Variants in RNF213 observed in about 807,000 individuals in gnomAD.
RNF213 encodes ring finger protein 213.
RNF213 carries 341 observed loss-of-function variants against 514.4 expected under a neutral mutation model. That is an observed-to-expected ratio of 0.66 (90% CI 0.61 to 0.73). RNF213 has a LOEUF of 0.73. Among genes scored for constraint, RNF213 ranks in the 30% least tolerant of loss-of-function variants. RNF213 has a pLI of 0.00. For missense variants in RNF213, 5,767 were observed against 6,615.6 expected (o/e 0.87, Z 4.45); for synonymous variants, 2,655 against 2,658.2 (o/e 1.00, Z 0.04).
At chr17:80,265,040 G>GTTTT (rs112658451) in intron 2 of RNF213, among the ~76,000 whole-genome samples, 2 of 133,762 alleles carry the variant, frequency 1.5e-5, no homozygotes, top group African/African-American at 5.7e-5. Flanking sequence ...TTCCATGTTT[G>GTTTT]TTTGTTTTTT....
rs762792724 is a variant in RNF213, at chr17:80,291,826, A to T, written c.1470A>T (p.Gly490=). The change falls in exon 8 of 68, where the codon GGA becomes GGT. Residue 490 remains glycine (G), a splice_region_variant and synonymous_variant. Transcript: ENST00000582970. Reference sequence around the variant, plus strand: ...TAAAATCTTCACTTCTGGGCTCAGGAGGTAAGTCGTGGCAGCAGGCTGTCT... The same window carrying T: ...TAAAATCTTCACTTCTGGGCTCAGGTGGTAAGTCGTGGCAGCAGGCTGTCT... The part of the protein sequence containing the change: ...LFIKSSLLGS[G]DWHQYYDIVY... The T allele has an allele frequency of 1.2e-6, 2 of 1,614,102 alleles. No individual in the cohort carries two copies. The highest frequency in any genetic ancestry group is 4.5e-5 in the East Asian group (2 of 44,868).
chr17:80,325,236 A>C, intron 18 of RNF213, 38 bp downstream of exon 18: 1 of 1,502,076 alleles, frequency 6.7e-7, no homozygotes. Flanking sequence ...CAGCTCAGGC[A>C]AGGTGGTGTC....
At chr17:80,383,465 G>A (rs1277239319) in intron 58 of RNF213, among the ~76,000 whole-genome samples, 1 of 152,132 alleles carries the variant, frequency 6.6e-6, no homozygotes. Context: ...GAGAAATATA[G>A]GTTTCTGAAT....
At chr17:80,357,544 G>A (rs2078878653) in intron 36 of RNF213, among the ~76,000 whole-genome samples, 1 of 152,058 alleles carries the variant, frequency 6.6e-6, no homozygotes, top group Non-Finnish European at 1.5e-5. Flanking sequence ...CTCTTCATCT[G>A]TATTATAGTC....
In RNF213 at chr17:80,288,688, TGAAAG is replaced by T; in HGVS notation, c.867_871del (p.Met289IlefsTer24). The T allele has an allele frequency of 6.2e-7, 1 of 1,614,074 alleles. No homozygotes were observed. The highest frequency in any genetic ancestry group is 8.5e-7 in the Non-Finnish European group (1 of 1,180,006). Reference sequence around the variant, plus strand: ...GCAGTTAAAGGGGCCGGGAAGGAAATGAAAGAGAAGACCCAGAGAATGAAACAGCC... The same window carrying T: ...GCAGTTAAAGGGGCCGGGAAGGAAATAGAAGACCCAGAGAATGAAACAGCC... On this transcript the variant is annotated frameshift_variant, in exon 5 of 68. Coordinates refer to ENST00000582970, the MANE Select transcript of RNF213 (RefSeq NM_001256071.3). LOFTEE classifies it high-confidence loss of function. The surrounding 1 kb of genome is among the most constrained non-coding windows in gnomAD (Gnocchi z 4.9).
At position 80,364,420 on chromosome 17, in the gene RNF213, C is replaced by T. The variant is rs747400508; in HGVS notation, c.11751-13C>T. ...AGCCGAGTGAGTGAGTGAGTGGCGC[C>T]CTCTTTTGACAGAGCCCAGTGGAGT... On this transcript the variant is annotated splice_polypyrimidine_tract_variant and intron_variant, in intron 41 of 67. Coordinates refer to ENST00000582970, the MANE Select transcript of RNF213 (RefSeq NM_001256071.3). 6.2e-7 allele frequency: 1 copy of T among 1,614,066 alleles called. No individual in the cohort carries two copies. The highest frequency in any genetic ancestry group is 8.5e-7 in the Non-Finnish European group (1 of 1,180,022).
intron 15 of RNF213, chr17:80,315,820 G>GAGGTGA (rs2045918472): frequency 4.7e-5 from 1 of 21,394 alleles, no homozygotes; most frequent in Non-Finnish European, 1.1e-4. Flanking sequence ...GGTGGTGGTG[G>GAGGTGA]TGGTGGTGAT....
intron 3 of RNF213, among the ~76,000 whole-genome samples, chr17:80,280,356 G>A (rs2044215719): frequency 6.6e-6 from 1 of 152,216 alleles, no homozygotes; most frequent in African/African-American, 2.4e-5. Context: ...GGAAGGTTTA[G>A]CACTGCAGAG....
chr17:80,372,200 T>C (rs2079543199), intron 47 of RNF213, among the ~76,000 whole-genome samples: 1 of 152,252 alleles, frequency 6.6e-6, no homozygotes, highest in Non-Finnish European at 1.5e-5. Flanking sequence ...CCTAGGAGAA[T>C]ATACTGCCAA....
At position 80,353,751 on chromosome 17, in the gene RNF213, AGAG is replaced by A; in HGVS notation, c.10578+89_10578+91del. 1 of 1,573,600 alleles carries A rather than the reference AGAG, an allele frequency of 6.4e-7. No individual in the cohort carries two copies. The highest frequency in any genetic ancestry group is 8.7e-7 in the Non-Finnish European group (1 of 1,144,184). On this transcript the variant is annotated intron_variant, in intron 34 of 67. Transcript: ENST00000582970. The surrounding 1 kb of genome is among the most constrained non-coding windows in gnomAD (Gnocchi z 5.0). Reference sequence around the variant, plus strand: ...TTTAAACGCTTTTGCATTGGGAGCTAGAGGAGTCGCCGCCGCTGTGCAGGGGTG... The same window carrying A: ...TTTAAACGCTTTTGCATTGGGAGCTAGAGTCGCCGCCGCTGTGCAGGGGTG...
At position 80,264,069 on chromosome 17, in the gene RNF213, G is replaced by A. The variant is rs181298782; in HGVS notation, c.97+291G>A. 2.0e-5 allele frequency among the ~76,000 whole-genome samples: 3 copies of A among 152,234 alleles called. No individual in the cohort carries two copies. The highest frequency in any genetic ancestry group is 2.9e-5 in the Non-Finnish European group (2 of 68,044). Reference sequence around the variant, plus strand: ...GAGTGAGCCCACCCGAGTGGGAGGAGAGGGCAGGGCCAGGGCAGGGAGAGG... The same window carrying A: ...GAGTGAGCCCACCCGAGTGGGAGGAAAGGGCAGGGCCAGGGCAGGGAGAGG... On this transcript the variant is annotated intron_variant, in intron 2 of 67. Coordinates refer to ENST00000582970, the MANE Select transcript of RNF213 (RefSeq NM_001256071.3). The surrounding 1 kb of genome is among the most constrained non-coding windows in gnomAD (Gnocchi z 5.0).
chr17:80,314,228 G>A (rs1273900123), intron 15 of RNF213, among the ~76,000 whole-genome samples: 198 of 110,686 alleles, frequency 1.8e-3, no homozygotes, highest in African/African-American at 8.0e-3. Flanking sequence ...TGGTGGTGGT[G>A]AAGGTGATGG....
chr17:80,263,947 A>C lies in RNF213; in HGVS notation c.97+169A>C, dbSNP rs147523333. The stretch of plus-strand genomic sequence containing the variant: ...CTGAATAGCCATCTCAAAAGTGACC[A>C]CAGAGTCTGTTTTGGGGTGGCATAG... On this transcript the variant is annotated intron_variant, in intron 2 of 67. Transcript: ENST00000582970. This position sits in a 1 kb window ranked among gnomAD's most constrained non-coding sequence, Gnocchi z 4.9. Among the ~76,000 whole-genome samples the C allele has an allele frequency of 2.6e-4, 40 of 152,282 alleles. No individual in the cohort carries two copies. Among genetic ancestry groups the C allele is most frequent in the Non-Finnish European group, 4.7e-4 (32 of 68,024 alleles).
rs2078276815 is a variant in RNF213 at position 80,345,385 on chromosome 17, G to A, written c.7050G>A (p.Leu2350=). ...AGAGAGACGTCATGACCAGGGACCT[G>A]TACCAGGGCCTGCTGCTCCAGAGGG... The part of the protein sequence containing the change: ...VIKRDVMTRD[L]YQGLLLQRVP... The change falls in exon 29 of 68, where the codon CTG becomes CTA. Residue 2350 remains leucine, a synonymous_variant. Coordinates refer to ENST00000582970, the MANE Select transcript of RNF213 (RefSeq NM_001256071.3). The surrounding 1 kb of genome is among the most constrained non-coding windows in gnomAD (Gnocchi z 6.0). The A allele has an allele frequency of 6.2e-7, 1 of 1,613,984 alleles. No homozygotes were observed.
intron 17 of RNF213, among the ~76,000 whole-genome samples, chr17:80,322,699 G>A (rs2046179395): frequency 6.6e-6 from 1 of 152,146 alleles, no homozygotes; most frequent in Non-Finnish European, 1.5e-5. Context: ...GAAGGCATGA[G>A]CCACCGCACC....
chr17:80,372,850 C>G (rs1016501784), intron 48 of RNF213, 116 bp downstream of exon 48: 1 of 1,353,198 alleles, frequency 7.4e-7, no homozygotes, highest in African/African-American at 1.4e-5. Flanking sequence ...TCTACATCCC[C>G]TCTCCCCTGG....
rs199809054 is a variant in RNF213 at position 80,319,173 on chromosome 17, C to T, written c.2902-17C>T. The T allele has an allele frequency of 4.3e-6, 7 of 1,614,154 alleles. No homozygotes were observed. The East Asian group carries it at 8.9e-5, about 21-fold the overall frequency. On this transcript the variant is annotated splice_polypyrimidine_tract_variant and intron_variant, in intron 16 of 67. Transcript: ENST00000582970. ...GCATCCGAAAGCTCTGAAACCACCC[C>T]CCTTTGATTTTTGCAGGAGGAACCC...
intron 1 of RNF213, 39 bp downstream of exon 1, chr17:80,260,941 G>A (rs909136973): frequency 4.0e-5 from 6 of 151,878 alleles, no homozygotes; most frequent in African/African-American, 1.4e-4. Flanking sequence ...GGCGGGGAGC[G>A]GGCTAGGATA....
intron 47 of RNF213, 22 bp downstream of exon 47, chr17:80,372,007 T>C: frequency 1.6e-6 from 2 of 1,258,722 alleles, no homozygotes; most frequent in Non-Finnish European, 2.3e-6. Context: ...CTCTCTTCCC[T>C]GAATTTCTTT....
Sources: gnomAD v4.1 joint callset for allele counts (sites outside exome capture counted in the v4.1 genomes callset) on GRCh38, gnomAD v4.1.1 for gene constraint, Gnocchi (gnomAD v3.1) non-coding constraint, MANE v1.5 for transcripts, NCBI Gene and HGNC (gene_info 2026-07-23, HGNC 2026-07-21) for gene names.